The following CSMD3 variants were observed in gnomAD, a reference collection of about 807,000 sequenced individuals.
CSMD3 encodes the protein CUB and Sushi multiple domains 3.
Under a neutral mutation model 435.2 loss-of-function variants are expected in CSMD3, and 177 were observed. The observed-to-expected ratio is 0.41, with a 90% CI of 0.36 to 0.46. The LOEUF is 0.46. Ranked by LOEUF, CSMD3 falls within the 20% of genes least tolerant of loss-of-function variation. The pLI is 0.34. For missense variants in CSMD3, 4,265 were observed against 4,504.6 expected (o/e 0.95, Z 1.52); for synonymous variants, 1,656 against 1,520.5 (o/e 1.09, Z -2.07).
Position 113,018,958 on chromosome 8 carries a change from C to G in CSMD3, c.1030+109G>C, listed in dbSNP as rs552218321. The G allele has an allele frequency of 4.3e-5, 34 of 784,324 alleles. No individual in the cohort carries two copies. The African/African-American group carries it at 5.1e-4, about 12-fold the overall frequency. 48.6% of individuals were successfully genotyped at this position (784,324 alleles called of 1,614,324 possible). ...AACAGCATGACCATTTTTTTCAATA[C>G]AAATTCCAATTTCTAAATGCTAAAG... On this transcript the variant is annotated intron_variant, in intron 6 of 70. Coordinates refer to ENST00000297405, the MANE Select transcript of CSMD3 (RefSeq NM_198123.2).
intron 8 of CSMD3, among the ~76,000 whole-genome samples, chr8:112,949,642 T>A (rs531138366): frequency 6.6e-6 from 1 of 152,176 alleles, no homozygotes; most frequent in East Asian, 1.9e-4. Flanking sequence ...ACCTAATCAC[T>A]TTGATGCTTT....
At chr8:113,333,659 A>C (rs1344177647) in intron 1 of CSMD3, among the ~76,000 whole-genome samples, 1 of 151,862 alleles carries the variant, frequency 6.6e-6, no homozygotes, top group Non-Finnish European at 1.5e-5. Context: ...GCTAATGCCA[A>C]AGTCTTGATT....
intron 28 of CSMD3, among the ~76,000 whole-genome samples, chr8:112,513,887 G>A (rs373843619): frequency 7.2e-5 from 11 of 151,974 alleles, no homozygotes; most frequent in African/African-American, 2.7e-4. Flanking sequence ...TTTTTAGAAG[G>A]AACATTGGTC....
chr8:112,377,909 C>G (rs536008580), intron 38 of CSMD3, among the ~76,000 whole-genome samples: 1 of 152,032 alleles, frequency 6.6e-6, no homozygotes, highest in Admixed American at 6.6e-5. Flanking sequence ...TGGTAAAAAA[C>G]AAAAAGCTTT....
intron 10 of CSMD3, among the ~76,000 whole-genome samples, chr8:112,910,004 T>G (rs1159003301): frequency 6.6e-6 from 1 of 151,764 alleles, no homozygotes; most frequent in Admixed American, 6.6e-5. Flanking sequence ...AGCCTGCCAG[T>G]GAGTACGTTA....
At chr8:112,895,592 T>C (rs551891177) in intron 10 of CSMD3, among the ~76,000 whole-genome samples, 43 of 151,562 alleles carry the variant, frequency 2.8e-4, no homozygotes, top group Middle Eastern at 3.4e-3. Context: ...TGGTTATACC[T>C]GGCAATTGAA....
At chr8:113,041,290 C>T (rs539575696) in intron 5 of CSMD3, among the ~76,000 whole-genome samples, 3 of 151,548 alleles carry the variant, frequency 2.0e-5, no homozygotes, top group Admixed American at 6.6e-5. Context: ...CTACCTTGTA[C>T]CCCTCTGTAC....
chr8:113,252,797 T>G (rs1225188341), intron 3 of CSMD3, among the ~76,000 whole-genome samples: 1 of 152,148 alleles, frequency 6.6e-6, no homozygotes, highest in Non-Finnish European at 1.5e-5. Flanking sequence ...TCATAAGTAG[T>G]GGGTGGACCA....
At chr8:112,696,107 C>G (rs2076248937) in intron 13 of CSMD3, among the ~76,000 whole-genome samples, 1 of 152,144 alleles carries the variant, frequency 6.6e-6, no homozygotes, top group African/African-American at 2.4e-5. Context: ...ATTCCATGCT[C>G]ATGGATATGA....
intron 70 of CSMD3, 94 bp downstream of exon 70, chr8:112,228,662 G>C (rs1228365367): frequency 1.5e-6 from 2 of 1,346,130 alleles, no homozygotes; most frequent in Admixed American, 1.8e-5. Context: ...CAACTCAGAA[G>C]AAAATTTGAA....
chr8:112,450,013 C>T (rs1201522592), intron 32 of CSMD3, among the ~76,000 whole-genome samples: 2 of 152,160 alleles, frequency 1.3e-5, no homozygotes, highest in Admixed American at 6.5e-5. Context: ...CATGAACCAC[C>T]GTGCCTGGCC....
chr8:112,416,420 A>T (rs1379750879), intron 32 of CSMD3, among the ~76,000 whole-genome samples: 1 of 152,148 alleles, frequency 6.6e-6, no homozygotes, highest in Non-Finnish European at 1.5e-5. Context: ...TTCCTTTATA[A>T]ATTACCCAGT....
intron 3 of CSMD3, among the ~76,000 whole-genome samples, chr8:113,265,879 T>A (rs939516245): frequency 6.6e-6 from 1 of 151,510 alleles, no homozygotes; most frequent in Non-Finnish European, 1.5e-5. Context: ...AAGACAAAGG[T>A]CAAGGTCTTT....
intron 56 of CSMD3, among the ~76,000 whole-genome samples, 162 bp from the exon 57 acceptor site, chr8:112,289,700 G>A (rs1288506716): frequency 6.6e-6 from 1 of 152,082 alleles, no homozygotes; most frequent in Non-Finnish European, 1.5e-5. Flanking sequence ...TAAAAACAAA[G>A]TGGAGTTTGC....
chr8:113,409,051 A>G (rs1221707472), intron 1 of CSMD3, among the ~76,000 whole-genome samples: 1 of 150,250 alleles, frequency 6.7e-6, no homozygotes, highest in Admixed American at 6.6e-5. Flanking sequence ...CCATTCCCAC[A>G]ATAAGACTTT....
chr8:112,876,168 G>C (rs2081276088), intron 10 of CSMD3, among the ~76,000 whole-genome samples: 1 of 152,036 alleles, frequency 6.6e-6, no homozygotes, highest in South Asian at 2.1e-4. Context: ...AACAAGTTCT[G>C]AAACTGAGGT....
chr8:113,073,077 G>T (rs2089194211), intron 5 of CSMD3, among the ~76,000 whole-genome samples: 1 of 151,692 alleles, frequency 6.6e-6, no homozygotes, highest in African/African-American at 2.4e-5. Context: ...TTATAATCAG[G>T]AAATCTCTCC....
intron 1 of CSMD3, among the ~76,000 whole-genome samples, chr8:113,381,588 T>C (rs2094415865): frequency 6.6e-6 from 1 of 151,970 alleles, no homozygotes; most frequent in Non-Finnish European, 1.5e-5. Flanking sequence ...TAAGCAAACA[T>C]TCAAAACACT....
In CSMD3 at chr8:112,383,657, C is replaced by T; in HGVS notation, c.5941G>A (p.Val1981Ile). ...VPEGAGIQVQVVSFATEHNWD... is the reference protein window; with the variant it reads ...VPEGAGIQVQIVSFATEHNWD... Reference sequence around the variant, plus strand: ...TTATGTTCTGTAGCAAAGCTAACAACTTGCACCTGTGAAATAATAATTACA... The same window carrying T: ...TTATGTTCTGTAGCAAAGCTAACAATTTGCACCTGTGAAATAATAATTACA... Residue 1981 changes from valine to isoleucine, a missense_variant, in exon 37 of 71, where the codon GTT (valine) becomes ATT (isoleucine). This residue lies in a region of CSMD3 where 3,255 missense variants were observed against 3,380.2 expected (regional missense o/e 0.96). Transcript: ENST00000297405. 6.3e-7 allele frequency: 1 copy of T among 1,591,426 alleles called. No individual in the cohort carries two copies. Among genetic ancestry groups the T allele is most frequent in the East Asian group, 2.2e-5 (1 of 44,674 alleles).
Sources: allele counts gnomAD v4.1 joint callset (sites outside exome capture counted in the v4.1 genomes callset), GRCh38; gene constraint gnomAD v4.1.1; regional missense constraint gnomAD v4.1.1; transcripts MANE v1.5; gene names NCBI Gene and HGNC (gene_info 2026-07-23, HGNC 2026-07-21).